IGSF21: variants seen among roughly 807,000 people sequenced by gnomAD.
IGSF21 encodes the protein immunoglobulin superfamily member 21.
Under a neutral mutation model 46.8 loss-of-function variants are expected in IGSF21, and 28 were observed. The observed-to-expected ratio is 0.60, with a 90% CI of 0.44 to 0.82. IGSF21 has a LOEUF of 0.82. IGSF21 is among the 40% of genes least tolerant of loss of function. The pLI is 0.00. For synonymous variants in IGSF21, 284 were observed against 273.6 expected (o/e 1.04, Z -0.38); for missense variants, 624 against 665.5 (o/e 0.94, Z 0.69).
chr1:18,275,647 T>C (rs2085093395), intron 2 of IGSF21, among the ~76,000 whole-genome samples: 1 of 152,184 alleles, frequency 6.6e-6, no homozygotes, highest in South Asian at 2.1e-4. Context: ...CAAGGGCTCA[T>C]GGAAACCTTC....
chr1:18,269,626 T>G (rs1384767240), intron 2 of IGSF21, among the ~76,000 whole-genome samples: 3 of 152,086 alleles, frequency 2.0e-5, no homozygotes, highest in Admixed American at 6.5e-5. Flanking sequence ...GTCTGATGAT[T>G]CCTCAAGACC....
At chr1:18,361,827 T>C (rs1264226629) in intron 4 of IGSF21, 1 of 314,592 alleles carries the variant, frequency 3.2e-6, no homozygotes, top group Admixed American at 4.7e-5. Flanking sequence ...CACTGATGCC[T>C]CCGGGGATCT....
At chr1:18,168,328 C>G (rs562323870) in intron 1 of IGSF21, among the ~76,000 whole-genome samples, 1 of 152,164 alleles carries the variant, frequency 6.6e-6, no homozygotes, top group East Asian at 1.9e-4. Context: ...GCTTTTATGG[C>G]TGGTACTGGG....
At chr1:18,292,146 C>T (rs2085273975) in intron 3 of IGSF21, among the ~76,000 whole-genome samples, 159 bp downstream of exon 3, 1 of 152,228 alleles carries the variant, frequency 6.6e-6, no homozygotes, top group African/African-American at 2.4e-5. Context: ...GGACCCATTC[C>T]CTGGAGGGAC....
rs763673621 is a variant in IGSF21 at position 18,377,422 on chromosome 1, G to A, written c.1324G>A (p.Asp442Asn). Residue 442 changes from aspartate to asparagine, a missense_variant, in exon 9 of 10, where the codon GAC becomes AAC. By Grantham distance (23) the Asp-to-Asn change is conservative. Transcript: ENST00000251296. ...CCCAAATATCCCAAGAGGAACGGAGGACTCTAATGGTAAGTCTCTACCCTC... is the reference window on the plus strand; with the variant it reads ...CCCAAATATCCCAAGAGGAACGGAGAACTCTAATGGTAAGTCTCTACCCTC... ...ENPNIPRGTE[D>N]SNGSIGPTGA... 6.6e-5 allele frequency: 106 copies of A among 1,613,332 alleles called. No individual in the cohort carries two copies. Among genetic ancestry groups the A allele is most frequent in the Non-Finnish European group, 8.3e-5 (98 of 1,179,358 alleles).
chr1:18,287,692 C>A (rs1019100441), intron 2 of IGSF21, among the ~76,000 whole-genome samples: 1 of 152,192 alleles, frequency 6.6e-6, no homozygotes, highest in Non-Finnish European at 1.5e-5. Context: ...GCCCATGAGA[C>A]CTGCCTGCCT....
At chr1:18,341,909 A>G (rs1400598293) in intron 4 of IGSF21, among the ~76,000 whole-genome samples, 1 of 152,152 alleles carries the variant, frequency 6.6e-6, no homozygotes, top group Non-Finnish European at 1.5e-5. Flanking sequence ...ACCACACCAT[A>G]TGCTTTGCAA....
At chr1:18,287,216 T>TAACTAA (rs2085222793) in intron 2 of IGSF21, among the ~76,000 whole-genome samples, 1 of 138,996 alleles carries the variant, frequency 7.2e-6, no homozygotes, top group Non-Finnish European at 1.5e-5. Flanking sequence ...TAAATAAAAA[T>TAACTAA]AAATAAAAAT....
chr1:18,303,752 C>T lies in IGSF21; in HGVS notation c.305+11765C>T, dbSNP rs921375597. On this transcript the variant is annotated intron_variant, in intron 3 of 9. Transcript: ENST00000251296. ...TCTCTGTCCCCATGGAGCTGACATT[C>T]CCAGGGCTATGCTAGCAACACAGAG... Among the ~76,000 whole-genome samples the T allele has an allele frequency of 3.7e-4, 56 of 152,254 alleles. 1 individual carries two copies. The highest frequency in any genetic ancestry group is 3.4e-3 in the Middle Eastern group (1 of 294).
At chr1:18,141,307 G>C (rs931463359) in intron 1 of IGSF21, among the ~76,000 whole-genome samples, 2 of 152,218 alleles carry the variant, frequency 1.3e-5, no homozygotes, top group Non-Finnish European at 2.9e-5. Flanking sequence ...TCATTATTAT[G>C]TAATGAGGTG....
chr1:18,108,260 G>A (rs2086110125), intron 1 of IGSF21, 62 bp downstream of exon 1: 2 of 1,306,210 alleles, frequency 1.5e-6, no homozygotes, highest in South Asian at 2.1e-5. Flanking sequence ...GGGGTGCCGG[G>A]GGAGGGCGCT....
intron 1 of IGSF21, among the ~76,000 whole-genome samples, chr1:18,141,695 G>A (rs1174929149): frequency 6.6e-6 from 1 of 152,146 alleles, no homozygotes; most frequent in African/African-American, 2.4e-5. Context: ...TTGTAAAGAC[G>A]GGGACAATAA....
intron 1 of IGSF21, among the ~76,000 whole-genome samples, chr1:18,208,751 A>C (rs577596339): frequency 6.6e-6 from 1 of 151,988 alleles, no homozygotes; most frequent in East Asian, 1.9e-4. Flanking sequence ...TAATAGCCCC[A>C]AACTGAATGT....
intron 2 of IGSF21, among the ~76,000 whole-genome samples, chr1:18,280,961 A>G (rs2085153033): frequency 6.6e-6 from 1 of 152,078 alleles, no homozygotes. Flanking sequence ...CGCCAGTGCC[A>G]TTTCCACTCC....
chr1:18,292,014 C>A, intron 3 of IGSF21, 27 bp downstream of exon 3: 1 of 1,603,224 alleles, frequency 6.2e-7, no homozygotes, highest in South Asian at 1.1e-5. Context: ...GGCGGGCCGA[C>A]AGCGGGGGAA....
At chr1:18,226,429 G>A (rs182224094) in intron 1 of IGSF21, among the ~76,000 whole-genome samples, 1 of 152,322 alleles carries the variant, frequency 6.6e-6, no homozygotes, top group East Asian at 1.9e-4. Flanking sequence ...GATCCGGGTT[G>A]GTCCTTCTGA....
At chr1:18,215,984 T>A (rs1342387273) in intron 1 of IGSF21, among the ~76,000 whole-genome samples, 1 of 152,186 alleles carries the variant, frequency 6.6e-6, no homozygotes, top group Non-Finnish European at 1.5e-5. Context: ...CAGAGGTGCA[T>A]ACCGGGTCCC....
chr1:18,263,126 G>A (rs419971), intron 2 of IGSF21, among the ~76,000 whole-genome samples: 54,852 of 152,052 alleles, frequency 0.36, 10,446 homozygotes, highest in Middle Eastern at 0.48. Flanking sequence ...GTCAATGGTG[G>A]AAAATACGGA....
intron 1 of IGSF21, chr1:18,111,782 T>G (rs907064876): frequency 2.0e-5 from 3 of 152,266 alleles, no homozygotes; most frequent in Non-Finnish European, 4.4e-5. Flanking sequence ...TAAGACTTGT[T>G]AATGACAGAA....
Sources: allele counts gnomAD v4.1 joint callset (sites outside exome capture counted in the v4.1 genomes callset), GRCh38; gene constraint gnomAD v4.1.1; transcripts MANE v1.5; gene names NCBI Gene and HGNC (gene_info 2026-07-23, HGNC 2026-07-21).